LAMA2: variants seen among roughly 807,000 people sequenced by gnomAD.
The protein encoded by LAMA2 is laminin subunit alpha 2, also known as laminin subunit alpha-2.
A neutral mutation model predicts 364.8 loss-of-function variants in LAMA2; 269 were observed. The observed-to-expected ratio is 0.74, with a 90% CI of 0.67 to 0.82. The LOEUF is 0.82. Among genes scored for constraint, LAMA2 ranks in the 40% least tolerant of loss-of-function variants. The pLI is 0.00. For missense variants in LAMA2, 3,807 were observed against 3,873.2 expected (o/e 0.98, Z 0.45); for synonymous variants, 1,379 against 1,370.6 (o/e 1.01, Z -0.14).
At chr6:129,301,022 TTACA>T in intron 22 of LAMA2, 150 bp downstream of exon 22, 1 of 732,500 alleles carries the variant, frequency 1.4e-6, no homozygotes, top group Non-Finnish European at 2.4e-6. Context: ...AATCAATATC[TTACA>T]GTTTACTTGT....
At chr6:128,976,181 C>A (rs1375802233) in intron 1 of LAMA2, among the ~76,000 whole-genome samples, 1 of 152,128 alleles carries the variant, frequency 6.6e-6, no homozygotes, top group Non-Finnish European at 1.5e-5. Context: ...GTGTTGGTAG[C>A]ATTAGATATA....
chr6:129,226,510 C>G (rs567026635), intron 12 of LAMA2, among the ~76,000 whole-genome samples: 2 of 152,218 alleles, frequency 1.3e-5, no homozygotes, highest in African/African-American at 4.8e-5. Flanking sequence ...TTCAGGAGCT[C>G]TTTTAGGGCA....
intron 3 of LAMA2, among the ~76,000 whole-genome samples, chr6:129,085,816 G>C (rs796357207): frequency 7.2e-5 from 11 of 152,230 alleles, no homozygotes; most frequent in African/African-American, 2.6e-4. Context: ...AAAATACAAG[G>C]AGAAGAATTT....
chr6:129,191,600 G>C (rs894654711), intron 11 of LAMA2, among the ~76,000 whole-genome samples: 3 of 152,192 alleles, frequency 2.0e-5, no homozygotes, highest in Non-Finnish European at 4.4e-5. Flanking sequence ...CAAGGGTGAC[G>C]TTAGAAAGGG....
rs771944569 is a variant in LAMA2, at chr6:129,353,356, T to C, written c.4716T>C (p.Val1572=). The change falls in exon 32 of 65, where the codon GTT becomes GTC. Residue 1572 remains valine, a splice_region_variant and synonymous_variant. Transcript: ENST00000421865. ...HWHAREGWEC[V]FCGDECTGLL... ...ATGCACGCGAGGGCTGGGAGTGTGT[T>C]TGTACGTATACTAACTTTGCTGTTA... The C allele has an allele frequency of 1.9e-6, 3 of 1,613,318 alleles. No homozygotes were observed. The highest frequency in any genetic ancestry group is 2.2e-5 in the South Asian group (2 of 91,056).
At chr6:129,089,852 G>A (rs188953602) in intron 3 of LAMA2, among the ~76,000 whole-genome samples, 433 of 152,206 alleles carry the variant, frequency 2.8e-3, no homozygotes, top group Non-Finnish European at 4.7e-3. Context: ...CGTGTTACTC[G>A]TTTTCTTAAG....
At chr6:129,231,504 A>G (rs184502546) in intron 12 of LAMA2, among the ~76,000 whole-genome samples, 1 of 152,258 alleles carries the variant, frequency 6.6e-6, no homozygotes, top group East Asian at 1.9e-4. Context: ...TAAACAGTAT[A>G]AAAATGTGTC....
chr6:129,155,397 G>T (rs1167751969), intron 8 of LAMA2, among the ~76,000 whole-genome samples: 1 of 151,984 alleles, frequency 6.6e-6, no homozygotes, highest in East Asian at 1.9e-4. Context: ...TCTAATATTT[G>T]ATGTTGACTA....
chr6:129,355,829 T>G (rs988779640), intron 32 of LAMA2, among the ~76,000 whole-genome samples: 3 of 152,162 alleles, frequency 2.0e-5, no homozygotes, highest in Non-Finnish European at 1.5e-5. Flanking sequence ...ATCCACATCA[T>G]GGATTTGTGT....
chr6:128,947,929 G>A (rs1262735706), intron 1 of LAMA2, among the ~76,000 whole-genome samples: 1 of 152,104 alleles, frequency 6.6e-6, no homozygotes, highest in African/African-American at 2.4e-5. Context: ...AAGCAGAAAT[G>A]ACTCAGATTT....
At chr6:129,233,252 G>A (rs1784782723) in intron 12 of LAMA2, among the ~76,000 whole-genome samples, 1 of 152,154 alleles carries the variant, frequency 6.6e-6, no homozygotes, top group Admixed American at 6.6e-5. Flanking sequence ...CAATTGCTAA[G>A]TTTGTTACGG....
Position 129,157,797 on chromosome 6 carries a change from C to A in LAMA2, c.1206+3114C>A, listed in dbSNP as rs1273115002. ...CACGATCCCTCCTGTGATACAACGA[C>A]GAGCCATCTCCCAAATGATTAGGCC... On this transcript the variant is annotated intron_variant, in intron 8 of 64. Transcript: ENST00000421865. The A allele has an allele frequency of 1.9e-6, 3 of 1,613,304 alleles. No individual in the cohort carries two copies. The South Asian group carries it at 3.3e-5, about 18-fold the overall frequency.
intron 23 of LAMA2, among the ~76,000 whole-genome samples, chr6:129,314,255 T>G (rs1322525067): frequency 6.6e-6 from 1 of 151,966 alleles, no homozygotes; most frequent in African/African-American, 2.4e-5. Flanking sequence ...AAAAATTAGC[T>G]GGGCGCGGTG....
chr6:129,147,579 T>A (rs1169096736), intron 6 of LAMA2, among the ~76,000 whole-genome samples: 1 of 152,036 alleles, frequency 6.6e-6, no homozygotes, highest in Non-Finnish European at 1.5e-5. Flanking sequence ...TGCTTTTTGA[T>A]AGAATTTTTT....
At chr6:129,292,931 G>A (rs949952384) in intron 20 of LAMA2, 63 of 985,842 alleles carry the variant, frequency 6.4e-5, no homozygotes, top group South Asian at 9.4e-5. Flanking sequence ...TAGGGAAACA[G>A]TGCAACCTCG....
At chr6:128,956,475 CAT>C (rs1009219911) in intron 1 of LAMA2, among the ~76,000 whole-genome samples, 1 of 151,924 alleles carries the variant, frequency 6.6e-6, no homozygotes, top group African/African-American at 2.4e-5. Flanking sequence ...GGAGGTGAAA[CAT>C]AGCACTGGAT....
chr6:128,926,131 G>C (rs979465257), intron 1 of LAMA2, among the ~76,000 whole-genome samples: 6 of 152,106 alleles, frequency 3.9e-5, no homozygotes, highest in African/African-American at 1.4e-4. Flanking sequence ...CTATTTGAAA[G>C]TTGTGTGCCT....
At chr6:129,222,303 G>T (rs2043242307) in intron 12 of LAMA2, among the ~76,000 whole-genome samples, 1 of 151,904 alleles carries the variant, frequency 6.6e-6, no homozygotes, top group South Asian at 2.1e-4. Context: ...GCTTCCTAGG[G>T]TTGTTATGAA....
chr6:129,247,349 G>C (rs1475507330), intron 12 of LAMA2, among the ~76,000 whole-genome samples: 1 of 152,150 alleles, frequency 6.6e-6, no homozygotes, highest in African/African-American at 2.4e-5. Flanking sequence ...TACTCGGGAG[G>C]CTGAGGCACA....
Sources: allele counts gnomAD v4.1 joint callset (sites outside exome capture counted in the v4.1 genomes callset), GRCh38; gene constraint gnomAD v4.1.1; transcripts MANE v1.5; gene names NCBI Gene and HGNC (gene_info 2026-07-23, HGNC 2026-07-21).